Variants in FEZ2 observed in about 807,000 individuals in gnomAD.
FEZ2 encodes fasciculation and elongation protein zeta 2.
In FEZ2, 51 loss-of-function variants were observed where a neutral mutation model predicts 40.4. The observed-to-expected ratio is 1.26, with a 90% CI of 1.01 to 1.59. The LOEUF is 1.59. FEZ2 is among the 40% of genes most tolerant of loss of function. FEZ2 has a pLI of 0.00. For missense variants in FEZ2, 640 were observed against 438.3 expected (o/e 1.46, Z -4.11); for synonymous variants, 242 against 172.0 (o/e 1.41, Z -3.18).
intron 2 of FEZ2, among the ~76,000 whole-genome samples, chr2:36,587,845 C>T (rs932489082): frequency 2.0e-5 from 3 of 152,012 alleles, no homozygotes; most frequent in Admixed American, 6.5e-5. Context: ...GACGTGATGA[C>T]TTCTTACATA....
chr2:36,570,310 TTA>T (rs1668372387), intron 5 of FEZ2, among the ~76,000 whole-genome samples: 1 of 152,078 alleles, frequency 6.6e-6, no homozygotes, highest in African/African-American at 2.4e-5. Flanking sequence ...TAAACAACTG[TTA>T]TATGAGTTTA....
intron 5 of FEZ2, chr2:36,560,801 G>C (rs375995625): frequency 2.5e-6 from 4 of 1,607,704 alleles, no homozygotes; most frequent in African/African-American, 2.7e-5. Context: ...CTCTCCACCT[G>C]AATTTCCAAA....
chr2:36,579,299 C>G (rs1183423290), intron 4 of FEZ2, among the ~76,000 whole-genome samples: 1 of 152,168 alleles, frequency 6.6e-6, no homozygotes, highest in African/African-American at 2.4e-5. Flanking sequence ...AGGAGTTGAT[C>G]TGAAAGAATT....
intron 1 of FEZ2, among the ~76,000 whole-genome samples, chr2:36,596,219 C>A (rs1265312992): frequency 1.3e-5 from 2 of 152,208 alleles, no homozygotes; most frequent in African/African-American, 2.4e-5. Context: ...AGGAGATGGT[C>A]TCCAAACACA....
chr2:36,571,871 C>T (rs1171993418), intron 5 of FEZ2, among the ~76,000 whole-genome samples: 1 of 151,032 alleles, frequency 6.6e-6, no homozygotes, highest in Admixed American at 6.6e-5. Context: ...AAAAGTTAGC[C>T]GGGCGGGGTG....
intron 5 of FEZ2, among the ~76,000 whole-genome samples, chr2:36,577,158 C>T (rs1668597029): frequency 6.6e-6 from 1 of 151,898 alleles, no homozygotes; most frequent in African/African-American, 2.4e-5. Flanking sequence ...TCAGAGTACT[C>T]ACTAGGAATA....
At chr2:36,569,973 T>C (rs1668361774) in intron 5 of FEZ2, among the ~76,000 whole-genome samples, 1 of 152,196 alleles carries the variant, frequency 6.6e-6, no homozygotes, top group South Asian at 2.1e-4. Flanking sequence ...AACATAATTA[T>C]TGTTCCTGAT....
At chr2:36,570,357 T>C (rs1201588504) in intron 5 of FEZ2, among the ~76,000 whole-genome samples, 1 of 152,182 alleles carries the variant, frequency 6.6e-6, no homozygotes, top group Non-Finnish European at 1.5e-5. Flanking sequence ...ACAAAGATCT[T>C]CAAAATTAGC....
At chr2:36,553,370 T>C (rs914467090) in intron 7 of FEZ2, among the ~76,000 whole-genome samples, 191 bp from the exon 8 acceptor site, 1 of 152,164 alleles carries the variant, frequency 6.6e-6, no homozygotes, top group Non-Finnish European at 1.5e-5. Context: ...TCAACACACA[T>C]TAGAATTTCC....
chr2:36,591,753 G>C (rs1339213298), intron 1 of FEZ2, among the ~76,000 whole-genome samples: 1 of 152,176 alleles, frequency 6.6e-6, no homozygotes, highest in South Asian at 2.1e-4. Context: ...GCATTTGACT[G>C]AGACTAGGGA....
rs1279240084 is a variant in FEZ2 at position 36,552,912 on chromosome 2, CTCTT to C, written c.*247_*250del. 2.9e-5 allele frequency: 14 copies of C among 481,704 alleles called. No homozygotes were observed. Among genetic ancestry groups the C allele is most frequent in the South Asian group, 1.9e-4 (5 of 26,864 alleles). 29.8% of individuals were successfully genotyped at this position (481,704 alleles called of 1,614,324 possible). ...GCACATGCACAATTAATATTACTCT[CTCTT>C]AATCTACTAAGAGAACAGTTTATTA... On this transcript the variant is annotated 3_prime_UTR_variant, in exon 8 of 8. Transcript: ENST00000405912.
chr2:36,591,353 G>A (rs2148351142), intron 1 of FEZ2: 1 of 202,318 alleles, frequency 4.9e-6, no homozygotes, highest in Non-Finnish European at 1.0e-5. Flanking sequence ...ATTAGAAGGG[G>A]GAACCATTAT....
intron 5 of FEZ2, among the ~76,000 whole-genome samples, chr2:36,566,888 T>C (rs1668255822): frequency 6.6e-6 from 1 of 152,192 alleles, no homozygotes; most frequent in South Asian, 2.1e-4. Flanking sequence ...AGTCTATGGA[T>C]TAATTCAATC....
In FEZ2 at chr2:36,583,475, A is replaced by G; in HGVS notation, c.376-6T>C. 7.2e-7 allele frequency: 1 copy of G among 1,386,942 alleles called. No homozygotes were observed. The highest frequency in any genetic ancestry group is 1.0e-6 in the Non-Finnish European group (1 of 973,386). 85.9% of individuals were successfully genotyped at this position (1,386,942 alleles called of 1,614,324 possible). A position where few individuals can be genotyped will look rare whatever the true frequency, so the allele number is the denominator to read the frequency against. On this transcript the variant is annotated splice_region_variant and splice_polypyrimidine_tract_variant and intron_variant, in intron 2 of 7. Coordinates refer to ENST00000405912, the MANE Select transcript of FEZ2 (RefSeq NM_005102.3). ...AAGAGCAAACTGTCACTTACCTAAAAACAAAAATACCCATCATTAAAAGCA... is the reference window on the plus strand; with the variant it reads ...AAGAGCAAACTGTCACTTACCTAAAGACAAAAATACCCATCATTAAAAGCA...
Position 36,578,764 on chromosome 2 carries a change from G to C in FEZ2, c.736C>G (p.Arg246Gly), listed in dbSNP as rs200850174. Residue 246 changes from arginine to glycine, a missense_variant, in exon 5 of 8, where the codon CGA becomes GGA. Transcript: ENST00000405912. Reference protein sequence around the residue: ...SEELVQQLALRDELEFEKEVK... With the variant: ...SEELVQQLALGDELEFEKEVK... ...TCCTTTTCAAACTCCAGTTCATCTC[G>C]TAAAGCCAACTGCTGCACCAGCTCC... is the stretch of plus-strand genomic sequence containing the variant. The C allele has an allele frequency of 2.5e-6, 4 of 1,613,746 alleles. No homozygotes were observed. In the South Asian group the frequency reaches 4.4e-5, roughly 18 times the overall value.
intron 5 of FEZ2, among the ~76,000 whole-genome samples, chr2:36,569,264 GAAT>G (rs1668339403): frequency 6.6e-6 from 1 of 152,262 alleles, no homozygotes; most frequent in African/African-American, 2.4e-5. Flanking sequence ...AAAAAGGATA[GAAT>G]AATATTTTAG....
intron 6 of FEZ2, 56 bp from the exon 7 acceptor site, chr2:36,555,804 T>A (rs1038332182): frequency 5.9e-5 from 58 of 987,328 alleles, no homozygotes; most frequent in Non-Finnish European, 7.5e-5. Context: ...ATCAAAAATA[T>A]TATTTAATTT....
At chr2:36,569,625 T>C (rs780160316) in intron 5 of FEZ2, among the ~76,000 whole-genome samples, 1 of 152,228 alleles carries the variant, frequency 6.6e-6, no homozygotes, top group East Asian at 1.9e-4. Context: ...ATCTTAAATA[T>C]ATCAGCTTCT....
intron 5 of FEZ2, among the ~76,000 whole-genome samples, chr2:36,564,171 A>C (rs974438760): frequency 6.6e-6 from 1 of 152,072 alleles, no homozygotes; most frequent in African/African-American, 2.4e-5. Flanking sequence ...CTTTACTGTA[A>C]TTTCCCTGAG....
Sources: allele counts gnomAD v4.1 joint callset (sites outside exome capture counted in the v4.1 genomes callset), GRCh38; gene constraint gnomAD v4.1.1; transcripts MANE v1.5; gene names NCBI Gene and HGNC (gene_info 2026-07-23, HGNC 2026-07-21).